Variants in KLHDC8A observed in about 807,000 individuals in gnomAD.
The protein encoded by KLHDC8A is kelch domain-containing protein 8A.
Under a neutral mutation model 33.1 loss-of-function variants are expected in KLHDC8A, and 21 were observed. The observed-to-expected ratio is 0.64, with a 90% CI of 0.45 to 0.91. The LOEUF is 0.91. Among genes scored for constraint, KLHDC8A ranks in the 40% least tolerant of loss-of-function variants. The pLI, the probability that KLHDC8A is intolerant of heterozygous loss-of-function variation, is 0.00. For synonymous variants in KLHDC8A, 173 were observed against 193.5 expected (o/e 0.89, Z 0.88); for missense variants, 435 against 483.3 (o/e 0.90, Z 0.94).
chr1:205,337,448 T>G lies in KLHDC8A; in HGVS notation c.1004A>C (p.Asn335Thr). The stretch of plus-strand genomic sequence containing the variant: ...CTCCACTGCGTCACTCAGACCCTGG[T>G]TGACACCTCCCACGGCGAGGAGGCA... ...KNCLLAVGGV[N>T]QGLSDAVEAL... The change falls in exon 6 of 6, where the codon AAC becomes ACC. Residue 335 changes from asparagine to threonine, a missense_variant. By Grantham distance (65) the Asn-to-Thr change is moderately conservative. Transcript: ENST00000367155. The G allele has an allele frequency of 6.2e-7, 1 of 1,613,880 alleles. No individual in the cohort carries two copies. Among genetic ancestry groups the G allele is most frequent in the Non-Finnish European group, 8.5e-7 (1 of 1,179,994 alleles).
rs1271404504 is a variant in KLHDC8A, at chr1:205,351,485, C to T, written c.-190+5048G>A. 15 of 775,122 alleles carry T rather than the reference C, an allele frequency of 1.9e-5. No homozygotes were observed. The Admixed American group carries it at 2.6e-4, about 13-fold the overall frequency. 48.0% of individuals were successfully genotyped at this position (775,122 alleles called of 1,614,324 possible). A position where few individuals can be genotyped will look rare whatever the true frequency, so the allele number is the denominator to read the frequency against. Reference sequence around the variant, plus strand: ...GCCTTGGAATGAGTATAAATAATGGCTGGTCAGCAGAGAAACCCATGCTCT... The same window carrying T: ...GCCTTGGAATGAGTATAAATAATGGTTGGTCAGCAGAGAAACCCATGCTCT... On this transcript the variant is annotated intron_variant, in intron 1 of 5. Transcript: ENST00000367155.
intron 1 of KLHDC8A, chr1:205,348,493 C>T (rs1663008586): frequency 1.3e-5 from 2 of 152,200 alleles, no homozygotes; most frequent in Admixed American, 1.3e-4. Flanking sequence ...ACCATGTGGT[C>T]AGCATCAGAC....
chr1:205,343,021 G>T (rs1056959675), intron 2 of KLHDC8A, among the ~76,000 whole-genome samples: 2 of 152,182 alleles, frequency 1.3e-5, no homozygotes, highest in African/African-American at 4.8e-5. Context: ...TAGGTGTCTG[G>T]GGGTGGTGGC....
chr1:205,339,353 G>C lies in KLHDC8A; in HGVS notation c.598C>G (p.Arg200Gly). 1 of 1,614,212 alleles carries C rather than the reference G, an allele frequency of 6.2e-7. No individual in the cohort carries two copies. ...NAFEVFDIET[R>G]SWTKFPNIPY... ...ATGTTGGGAAACTTGGTCCAGGAGCGAGTCTCGATGTCAAAGACCTCGAAA... is the reference window on the plus strand; with the variant it reads ...ATGTTGGGAAACTTGGTCCAGGAGCCAGTCTCGATGTCAAAGACCTCGAAA... Residue 200 changes from arginine (R) to glycine (G), a missense_variant, in exon 4 of 6, where the codon CGC (arginine) becomes GGC (glycine). Transcript: ENST00000367155. The surrounding 1 kb of genome is among the most constrained non-coding windows in gnomAD (Gnocchi z 5.1).
At chr1:205,341,331 T>A (rs1460610507) in intron 2 of KLHDC8A, among the ~76,000 whole-genome samples, 1 of 144,320 alleles carries the variant, frequency 6.9e-6, no homozygotes, top group Non-Finnish European at 1.5e-5. Context: ...GGATGAGTAC[T>A]ATTTCCTCCT....
At chr1:205,338,671 GCC>G in intron 4 of KLHDC8A, 75 bp from the exon 5 acceptor site, 1 of 1,203,074 alleles carries the variant, frequency 8.3e-7, no homozygotes. Flanking sequence ...GCAGATTGTG[GCC>G]CAAATAGCTT....
chr1:205,338,171 G>A (rs941197043), intron 5 of KLHDC8A, among the ~76,000 whole-genome samples: 7 of 152,178 alleles, frequency 4.6e-5, no homozygotes, highest in Admixed American at 1.3e-4. Context: ...GAGGACCAAG[G>A]CTAATCCCCT....
chr1:205,355,025 G>C (rs1355583624), intron 1 of KLHDC8A, among the ~76,000 whole-genome samples: 1 of 152,180 alleles, frequency 6.6e-6, no homozygotes, highest in Non-Finnish European at 1.5e-5. Flanking sequence ...ATTAGCCTCA[G>C]AGCACCCAGT....
In KLHDC8A at chr1:205,339,855, G is replaced by A. The variant is rs1290731145; in HGVS notation, c.377-47C>T. The A allele has an allele frequency of 6.3e-7, 1 of 1,575,636 alleles. No homozygotes were observed. The highest frequency in any genetic ancestry group is 8.7e-7 in the Non-Finnish European group (1 of 1,155,300). On this transcript the variant is annotated intron_variant, in intron 2 of 5. Transcript: ENST00000367155. This position sits in a 1 kb window ranked among gnomAD's most constrained non-coding sequence, Gnocchi z 5.1. ...GCCCCTGGCTTAGCTCACAGGTACAGCAAGACAGGCCCACCAGCATCTATT... is the reference window on the plus strand; with the variant it reads ...GCCCCTGGCTTAGCTCACAGGTACAACAAGACAGGCCCACCAGCATCTATT...
chr1:205,343,649 G>T lies in KLHDC8A; in HGVS notation c.-45C>A. ...CGGGCGCCGGGAGAGGTGCGAGCGC[G>T]GGGGTCCACCGGCTACTTGGCGCCG... On this transcript the variant is annotated 5_prime_UTR_variant, in exon 2 of 6. Transcript: ENST00000367155. 1 of 1,517,782 alleles carries T rather than the reference G, an allele frequency of 6.6e-7. No individual in the cohort carries two copies. The highest frequency in any genetic ancestry group is 8.8e-7 in the Non-Finnish European group (1 of 1,133,654). The allele number at this position is 1,517,782 out of a possible 1,614,324, so 94.0% of individuals were successfully genotyped here. A position where few individuals can be genotyped will look rare whatever the true frequency, so the allele number is the denominator to read the frequency against.
intron 2 of KLHDC8A, among the ~76,000 whole-genome samples, chr1:205,342,112 C>T (rs1301883203): frequency 6.6e-6 from 1 of 152,220 alleles, no homozygotes; most frequent in Non-Finnish European, 1.5e-5. Flanking sequence ...TCATCACTAT[C>T]TGTGTCACCT....
chr1:205,353,896 G>T (rs1539696), intron 1 of KLHDC8A, among the ~76,000 whole-genome samples: 122,166 of 152,178 alleles, frequency 0.8, 49,148 homozygotes, highest in African/African-American at 0.86. Context: ...GGAAGGAATG[G>T]GAGAGATTAG....
intron 5 of KLHDC8A, 31 bp downstream of exon 5, chr1:205,338,464 A>G: frequency 6.4e-7 from 1 of 1,553,146 alleles, no homozygotes; most frequent in Non-Finnish European, 8.9e-7. Context: ...CAGAACCACA[A>G]TAAATTCCAG....
chr1:205,341,729 C>A (rs1175251564), intron 2 of KLHDC8A, among the ~76,000 whole-genome samples: 1 of 152,102 alleles, frequency 6.6e-6, no homozygotes, highest in African/African-American at 2.4e-5. Context: ...CGGCTCACTG[C>A]AAGCTCTGCC....
chr1:205,337,565 G>A lies in KLHDC8A; in HGVS notation c.887C>T (p.Ala296Val), dbSNP rs369874690. 8.7e-6 allele frequency: 14 copies of A among 1,612,970 alleles called. No homozygotes were observed. The highest frequency in any genetic ancestry group is 8.0e-5 in the African/African-American group (6 of 74,850). Reference sequence around the variant, plus strand: ...GTTCTTCCCTGGGTGGAATGCTTCCGCCGTCTCCAGGACAGTGGGTTGATT... The same window carrying A: ...GTTCTTCCCTGGGTGGAATGCTTCCACCGTCTCCAGGACAGTGGGTTGATT... ...LGNQPTVLET[A>V]EAFHPGKNKW... The change falls in exon 6 of 6, where the codon GCG (alanine) becomes GTG (valine). Residue 296 changes from alanine to valine, a missense_variant. Physicochemically the swap from Ala to Val is moderately conservative, Grantham distance 64 (BLOSUM62 0). Transcript: ENST00000367155.
intron 1 of KLHDC8A, among the ~76,000 whole-genome samples, chr1:205,352,375 T>C (rs1342038284): frequency 6.6e-6 from 1 of 150,974 alleles, no homozygotes; most frequent in Non-Finnish European, 1.5e-5. Context: ...GCACTTTACA[T>C]TACACACACA....
At chr1:205,340,256 C>T (rs1662755244) in intron 2 of KLHDC8A, among the ~76,000 whole-genome samples, 1 of 151,996 alleles carries the variant, frequency 6.6e-6, no homozygotes, top group African/African-American at 2.4e-5. Context: ...CTCAAGCAAT[C>T]CTCTTGCCTC....
chr1:205,351,897 C>T (rs1663121558), intron 1 of KLHDC8A, among the ~76,000 whole-genome samples: 2 of 149,844 alleles, frequency 1.3e-5, no homozygotes, highest in South Asian at 4.3e-4. Flanking sequence ...CCAGCCTGGG[C>T]AACAAGGGCG....
chr1:205,351,245 C>T, intron 1 of KLHDC8A: 1 of 810,208 alleles, frequency 1.2e-6, no homozygotes, highest in Non-Finnish European at 2.2e-6. Context: ...GGAGTATACA[C>T]CATGAGCAAA....
Sources: gnomAD v4.1 joint callset for allele counts (sites outside exome capture counted in the v4.1 genomes callset) on GRCh38, gnomAD v4.1.1 for gene constraint, Gnocchi (gnomAD v3.1) non-coding constraint, MANE v1.5 for transcripts, NCBI Gene and HGNC (gene_info 2026-07-23, HGNC 2026-07-21) for gene names.